Variants in CPLANE1 observed in about 807,000 individuals in gnomAD.
CPLANE1 encodes the protein ciliogenesis and planar polarity effector complex subunit 1.
CPLANE1 carries 263 observed loss-of-function variants against 362.5 expected under a neutral mutation model. The observed-to-expected ratio is 0.73, with a 90% CI of 0.66 to 0.80. CPLANE1 has a LOEUF of 0.80. Ranked by LOEUF, CPLANE1 falls within the 30% of genes least tolerant of loss-of-function variation. The probability of loss-of-function intolerance (pLI) is 0.00; values close to 1 mark genes in which losing one functional copy is unlikely to be tolerated. For synonymous variants in CPLANE1, 1,212 were observed against 1,302.6 expected (o/e 0.93, Z 1.50); for missense variants, 3,461 against 3,793.4 (o/e 0.91, Z 2.30).
chr5:37,211,861 G>A (rs1043360274), intron 16 of CPLANE1: 90 of 788,858 alleles, frequency 1.1e-4, no homozygotes, highest in Admixed American at 5.6e-4. Context: ...GAATATGCAC[G>A]GAATGTGCCA....
At chr5:37,087,228 G>C in the CPLANE1 span, among the ~76,000 whole-genome samples, 1 of 152,084 alleles carries the variant, frequency 6.6e-6, no homozygotes, top group Non-Finnish European at 1.5e-5. Flanking sequence ...TATGCACAAG[G>C]GCAACAGGTC....
Position 37,173,925 on chromosome 5 carries a change from C to T in CPLANE1, c.6001G>A (p.Glu2001Lys). 1 of 1,613,930 alleles carries T rather than the reference C, an allele frequency of 6.2e-7. No homozygotes were observed. Among genetic ancestry groups the T allele is most frequent in the South Asian group, 1.1e-5 (1 of 91,062 alleles). The change falls in exon 32 of 53, where the codon GAA becomes AAA. Residue 2001 changes from glutamate to lysine, a missense_variant. Physicochemically the swap from Glu to Lys is moderately conservative, Grantham distance 56. Transcript: ENST00000651892. ...ISSAQISTYKEKSSSVPLLIS... is the reference protein window; with the variant it reads ...ISSAQISTYKKKSSSVPLLIS... ...AGAAGTGGAACTGAGGAAGATTTTTCTTTATATGTAGAAATCTGTGCACTG... is the reference window on the plus strand; with the variant it reads ...AGAAGTGGAACTGAGGAAGATTTTTTTTTATATGTAGAAATCTGTGCACTG...
intron 38 of CPLANE1, among the ~76,000 whole-genome samples, chr5:37,158,936 AC>A (rs888665450): frequency 6.6e-6 from 1 of 150,978 alleles, no homozygotes; most frequent in Non-Finnish European, 1.5e-5. Context: ...GGCACCCACC[AC>A]CACACCTGGC....
At chr5:37,105,928 C>A (rs1757564425), downstream of CPLANE1, among the ~76,000 whole-genome samples, 1 of 152,020 alleles carries the variant, frequency 6.6e-6, no homozygotes, top group African/African-American at 2.4e-5. Flanking sequence ...TATTACTAAT[C>A]ATCAGAAAAA....
intron 44 of CPLANE1, chr5:37,140,478 A>G (rs1351467757): frequency 1.0e-6 from 1 of 984,328 alleles, no homozygotes; most frequent in East Asian, 1.1e-4. Flanking sequence ...ATCTAAGATT[A>G]GCGTAATAGT....
At position 37,180,952 on chromosome 5, in the gene CPLANE1, C is replaced by G. The variant is rs150153090; in HGVS notation, c.5475G>C (p.Glu1825Asp). 47 of 1,613,944 alleles carry G rather than the reference C, an allele frequency of 2.9e-5. No homozygotes were observed. In the African/African-American group the frequency reaches 6.1e-4, roughly 21 times the overall value. ...GCQIGPNIER[E>D]SKSDAGGSVA... The stretch of plus-strand genomic sequence containing the variant: ...CTGAACCGCCAGCATCTGATTTGCT[C>G]TCCCTCTCAATATTGGGTCCAATCT... Residue 1825 changes from glutamate to aspartate, a missense_variant, in exon 27 of 53, where the codon GAG (glutamate) becomes GAC (aspartate). Coordinates refer to ENST00000651892, the MANE Select transcript of CPLANE1 (RefSeq NM_001384732.1).
At chr5:37,234,156 A>C (rs1175220034) in intron 8 of CPLANE1, among the ~76,000 whole-genome samples, 1 of 152,208 alleles carries the variant, frequency 6.6e-6, no homozygotes, top group African/African-American at 2.4e-5. Flanking sequence ...ACATCAATGG[A>C]ATGCCACAGA....
At chr5:37,108,021 G>T (rs1381798164) in intron 52 of CPLANE1, among the ~76,000 whole-genome samples, 2 of 152,116 alleles carry the variant, frequency 1.3e-5, no homozygotes, top group African/African-American at 2.4e-5. Context: ...AGGGCAGAAC[G>T]GATGTTGATA....
intron 16 of CPLANE1, chr5:37,211,396 C>T: frequency 2.0e-6 from 3 of 1,516,774 alleles, no homozygotes; most frequent in Non-Finnish European, 8.8e-7. Context: ...TTGCTGGAAG[C>T]CTTCAAAAAC....
chr5:37,183,552 A>C lies in CPLANE1; in HGVS notation c.4629T>G (p.Phe1543Leu), dbSNP rs1783222163. Residue 1543 changes from phenylalanine to leucine, a missense_variant, in exon 26 of 53, where the codon TTT (phenylalanine) becomes TTG (leucine). Coordinates refer to ENST00000651892, the MANE Select transcript of CPLANE1 (RefSeq NM_001384732.1). ...NTLPVIGVWE[F>L]ERDDDEYIKF... ...TAATATATTCATCATCATCACGTTCAAATTCCCAAACACCTATTACAGGAA... is the reference window on the plus strand; with the variant it reads ...TAATATATTCATCATCATCACGTTCCAATTCCCAAACACCTATTACAGGAA... 1.2e-6 allele frequency: 2 copies of C among 1,613,626 alleles called. No homozygotes were observed. Among genetic ancestry groups the C allele is most frequent in the Non-Finnish European group, 1.7e-6 (2 of 1,179,688 alleles).
chr5:37,117,083 C>A (rs1761222077), intron 50 of CPLANE1, among the ~76,000 whole-genome samples: 1 of 152,110 alleles, frequency 6.6e-6, no homozygotes. Flanking sequence ...AGGACAATAG[C>A]CAGGCATATG....
chr5:37,085,729 C>G, the CPLANE1 span: 2 of 1,308,720 alleles, frequency 1.5e-6, no homozygotes, highest in Non-Finnish European at 2.2e-6. Flanking sequence ...CTCGACTTTC[C>G]AACATTTTTG....
the CPLANE1 span, among the ~76,000 whole-genome samples, chr5:37,080,209 C>T: frequency 1.3e-5 from 2 of 152,184 alleles, no homozygotes; most frequent in African/African-American, 4.8e-5. Flanking sequence ...AAATGCAGCA[C>T]AAGACAGTCA....
At chr5:37,099,465 A>C in the CPLANE1 span, among the ~76,000 whole-genome samples, 1 of 152,200 alleles carries the variant, frequency 6.6e-6, no homozygotes, top group Non-Finnish European at 1.5e-5. Context: ...CCTGCAAAGG[A>C]CATGATCTCG....
Position 37,186,000 on chromosome 5 carries a change from C to T in CPLANE1, c.4189+286G>A, listed in dbSNP as rs968440365. 6.6e-5 allele frequency among the ~76,000 whole-genome samples: 10 copies of T among 152,060 alleles called. No homozygotes were observed. The South Asian group carries it at 2.1e-3, about 32-fold the overall frequency. The stretch of plus-strand genomic sequence containing the variant: ...CATCATAAAGCAGGTAATACTATGC[C>T]CACTTTACAAATAAAGATATGAGGC... On this transcript the variant is annotated intron_variant, in intron 24 of 52. Coordinates refer to ENST00000651892, the MANE Select transcript of CPLANE1 (RefSeq NM_001384732.1).
At position 37,106,998 on chromosome 5, in the gene CPLANE1, A is replaced by G; in HGVS notation, c.*604T>C. 1 of 985,448 alleles carries G rather than the reference A, an allele frequency of 1.0e-6. No homozygotes were observed. The allele number at this position is 985,448 out of a possible 1,614,324, so 61.0% of individuals were successfully genotyped here. A position where few individuals can be genotyped will look rare whatever the true frequency, so the allele number is the denominator to read the frequency against. Reference sequence around the variant, plus strand: ...CCTTACTTTCCTGCCCAAAGCATCCATTCCTGTTTCTTCCTCCAAGGCTTC... The same window carrying G: ...CCTTACTTTCCTGCCCAAAGCATCCGTTCCTGTTTCTTCCTCCAAGGCTTC... On this transcript the variant is annotated 3_prime_UTR_variant, in exon 53 of 53. Transcript: ENST00000651892.
chr5:37,141,960 G>T, intron 44 of CPLANE1: 1 of 537,932 alleles, frequency 1.9e-6, no homozygotes, highest in Non-Finnish European at 2.4e-6. Context: ...CTCAAGAAAT[G>T]ATGGCTACTA....
intron 18 of CPLANE1, among the ~76,000 whole-genome samples, chr5:37,202,231 G>A (rs752736540): frequency 1.3e-5 from 2 of 150,638 alleles, no homozygotes; most frequent in Non-Finnish European, 2.9e-5. Context: ...GCAGGATCTC[G>A]GCTCACTGCA....
chr5:37,224,897 A>T (rs919290081), intron 12 of CPLANE1, among the ~76,000 whole-genome samples, 157 bp from the exon 13 acceptor site: 3 of 151,990 alleles, frequency 2.0e-5, no homozygotes, highest in African/African-American at 7.3e-5. Context: ...TAAAATGATT[A>T]AAAAATGCCT....
Sources: allele counts gnomAD v4.1 joint callset (sites outside exome capture counted in the v4.1 genomes callset), GRCh38; gene constraint gnomAD v4.1.1; transcripts MANE v1.5; gene names NCBI Gene and HGNC (gene_info 2026-07-23, HGNC 2026-07-21).